RGS7: variants seen among roughly 807,000 people sequenced by gnomAD.
The protein encoded by RGS7 is regulator of G protein signaling 7.
A neutral mutation model predicts 81.1 loss-of-function variants in RGS7; 27 were observed. That is an observed-to-expected ratio of 0.33 (90% CI 0.25 to 0.46). The LOEUF is 0.46. Ranked by LOEUF, RGS7 falls within the 20% of genes least tolerant of loss-of-function variation. RGS7 has a pLI of 1.00. For synonymous variants in RGS7, 208 were observed against 207.7 expected, an observed-to-expected ratio of 1.00 and a Z score of -0.01; for missense variants, 396 against 607.4, an observed-to-expected ratio of 0.65 and a Z score of 3.66.
chr1:240,799,876 CCTTT>C (rs2103046203), intron 18 of RGS7, among the ~76,000 whole-genome samples: 1 of 152,084 alleles, frequency 6.6e-6, no homozygotes, highest in South Asian at 2.1e-4. Context: ...TCCTGTTGGC[CCTTT>C]CTTAAAGTTT....
At chr1:241,006,877 C>G (rs2058709023) in intron 3 of RGS7, among the ~76,000 whole-genome samples, 1 of 152,102 alleles carries the variant, frequency 6.6e-6, no homozygotes, top group African/African-American at 2.4e-5. Flanking sequence ...ATGATCAGCT[C>G]CTACTTAATG....
chr1:241,106,750 C>CA (rs2065133633), intron 2 of RGS7, among the ~76,000 whole-genome samples: 3 of 67,236 alleles, frequency 4.5e-5, no homozygotes, highest in South Asian at 2.9e-4. Context: ...CCAACACCAC[C>CA]ACCACACACA....
Position 241,184,044 on chromosome 1 carries a change from G to A in RGS7, c.79-85282C>T, listed in dbSNP as rs555645237. Among the ~76,000 whole-genome samples, 100 of 152,258 alleles carry A rather than the reference G, an allele frequency of 6.6e-4. 1 individual carries two copies. Among genetic ancestry groups the A allele is most frequent in the African/African-American group, 2.3e-3 (95 of 41,530 alleles). On this transcript the variant is annotated intron_variant, in intron 2 of 18. Transcript: ENST00000440928. Reference sequence around the variant, plus strand: ...CTCACCTGTGGATCCTGGAAGCAAAGGCGAGGCATTTTCATGCAACTTTGC... The same window carrying A: ...CTCACCTGTGGATCCTGGAAGCAAAAGCGAGGCATTTTCATGCAACTTTGC...
Position 241,216,419 on chromosome 1 carries a change from T to C in RGS7, c.79-117657A>G, listed in dbSNP as rs183376546. Among the ~76,000 whole-genome samples the C allele has an allele frequency of 8.6e-4, 131 of 152,338 alleles. 1 individual carries two copies. Among genetic ancestry groups the C allele is most frequent in the Non-Finnish European group, 1.7e-3 (115 of 68,032 alleles). On this transcript the variant is annotated intron_variant, in intron 2 of 18. Transcript: ENST00000440928. ...TAACTAAGTTTTTAAACAGTGTTCA[T>C]GGCGTGACTGTAAACCCAGCTCACT... is the stretch of plus-strand genomic sequence containing the variant.
At chr1:241,122,474 C>T (rs1372215139) in intron 2 of RGS7, among the ~76,000 whole-genome samples, 2 of 152,068 alleles carry the variant, frequency 1.3e-5, no homozygotes, top group Non-Finnish European at 2.9e-5. Flanking sequence ...ACCAGCTTGA[C>T]TAACATGGTG....
intron 2 of RGS7, among the ~76,000 whole-genome samples, chr1:241,335,743 C>G (rs982439020): frequency 2.1e-4 from 32 of 152,072 alleles, no homozygotes; most frequent in African/African-American, 7.2e-4. Flanking sequence ...TCTTCATCAA[C>G]CAGTTTTCCA....
intron 2 of RGS7, among the ~76,000 whole-genome samples, chr1:241,303,010 C>T (rs1433077563): frequency 2.1e-5 from 3 of 145,818 alleles, no homozygotes; most frequent in African/African-American, 4.9e-5. Context: ...ACTTCATGAA[C>T]GTGGCTTGAA....
At chr1:241,068,166 G>T (rs761429134) in intron 3 of RGS7, among the ~76,000 whole-genome samples, 1 of 148,942 alleles carries the variant, frequency 6.7e-6, no homozygotes, top group African/African-American at 2.5e-5. Context: ...AATTCAGTGG[G>T]TCAGTATTTT....
intron 2 of RGS7, among the ~76,000 whole-genome samples, chr1:241,302,758 TAC>T (rs1425450425): frequency 8.5e-5 from 13 of 152,336 alleles, no homozygotes; most frequent in Admixed American, 7.2e-4. Context: ...CTGTTTCATT[TAC>T]ACTCTCTACC....
intron 10 of RGS7, among the ~76,000 whole-genome samples, chr1:240,817,526 G>T (rs1691021858): frequency 6.6e-6 from 1 of 152,086 alleles, no homozygotes; most frequent in African/African-American, 2.4e-5. Flanking sequence ...ACTACGTCTT[G>T]ACTCTGTATC....
chr1:241,254,102 A>C (rs2148232195), intron 2 of RGS7, among the ~76,000 whole-genome samples: 1 of 151,354 alleles, frequency 6.6e-6, no homozygotes, highest in Non-Finnish European at 1.5e-5. Context: ...GGGAAGACTG[A>C]GGCAGGAGAA....
intron 14 of RGS7, 120 bp from the exon 15 acceptor site, chr1:240,806,446 G>A: frequency 2.2e-6 from 2 of 891,418 alleles, no homozygotes; most frequent in Non-Finnish European, 1.9e-6. Context: ...TTCTCTGAGG[G>A]CTTCCAGTAT....
intron 3 of RGS7, among the ~76,000 whole-genome samples, chr1:241,016,420 A>G (rs2059234143): frequency 6.6e-6 from 1 of 152,136 alleles, no homozygotes; most frequent in African/African-American, 2.4e-5. Context: ...TGGGAGGCTG[A>G]GGCAGAAGAA....
At chr1:241,214,533 G>A (rs539165892) in intron 2 of RGS7, among the ~76,000 whole-genome samples, 240 of 151,958 alleles carry the variant, frequency 1.6e-3, no homozygotes, top group Middle Eastern at 6.8e-3. Flanking sequence ...ATCTGTGGGC[G>A]ACTGTTTTAG....
At chr1:241,347,852 C>T (rs1316398421) in intron 2 of RGS7, among the ~76,000 whole-genome samples, 2 of 152,086 alleles carry the variant, frequency 1.3e-5, no homozygotes, top group South Asian at 2.1e-4. Flanking sequence ...CATTCCCTTA[C>T]GAGGCCATGG....
In RGS7 at chr1:241,351,829, G is replaced by A. The variant is rs183713719; in HGVS notation, c.78+3870C>T. Among the ~76,000 whole-genome samples, 5 of 152,198 alleles carry A rather than the reference G, an allele frequency of 3.3e-5. No homozygotes were observed. The East Asian group carries it at 9.7e-4, about 29-fold the overall frequency. Reference sequence around the variant, plus strand: ...TTTACTGCAGTAAGATAATGAATGAGGAAAACATTTTCATTTTCTTTTCTG... The same window carrying A: ...TTTACTGCAGTAAGATAATGAATGAAGAAAACATTTTCATTTTCTTTTCTG... On this transcript the variant is annotated intron_variant, in intron 2 of 18. Transcript: ENST00000440928.
chr1:241,119,689 G>A (rs1316033302), intron 2 of RGS7, among the ~76,000 whole-genome samples: 1 of 152,172 alleles, frequency 6.6e-6, no homozygotes, highest in East Asian at 1.9e-4. Context: ...CTGATACAAT[G>A]AGAAAAGCCT....
intron 2 of RGS7, among the ~76,000 whole-genome samples, chr1:241,309,847 G>A (rs768821142): frequency 1.3e-5 from 2 of 152,150 alleles, no homozygotes; most frequent in East Asian, 1.9e-4. Context: ...TAACACACGC[G>A]TTGAAGTAGC....
Position 241,052,786 on chromosome 1 carries a change from A to G in RGS7, c.175+45880T>C, listed in dbSNP as rs76598645. On this transcript the variant is annotated intron_variant, in intron 3 of 18. Transcript: ENST00000440928. ...AAATGATCTTAGAATTTTTCTGCAT[A>G]GCGTGGATGCTTTTTTTTTTTGACA... 3.9e-4 allele frequency among the ~76,000 whole-genome samples: 60 copies of G among 151,942 alleles called. 1 individual carries two copies. Among genetic ancestry groups the G allele is most frequent in the South Asian group, 1.9e-3 (9 of 4,810 alleles).
Sources: allele counts gnomAD v4.1 joint callset (sites outside exome capture counted in the v4.1 genomes callset), GRCh38; gene constraint gnomAD v4.1.1; transcripts MANE v1.5; gene names NCBI Gene and HGNC (gene_info 2026-07-23, HGNC 2026-07-21).